VAV1: variants seen among roughly 807,000 people sequenced by gnomAD.
VAV1 encodes vav guanine nucleotide exchange factor 1.
In VAV1, 33 loss-of-function variants were observed where a neutral mutation model predicts 128.1. The ratio of observed to expected loss-of-function variants is 0.26; its 90% CI spans 0.20 to 0.34. VAV1 has a LOEUF of 0.34. VAV1 is among the 10% of genes least tolerant of loss of function. VAV1 has a pLI of 1.00. For missense variants in VAV1, 715 were observed against 1,093.7 expected (o/e 0.65, Z 4.88); for synonymous variants, 394 against 409.8 (o/e 0.96, Z 0.47).
At chr19:6,823,592 C>G (rs1971848383) in intron 6 of VAV1, among the ~76,000 whole-genome samples, 1 of 151,284 alleles carries the variant, frequency 6.6e-6, no homozygotes, top group Non-Finnish European at 1.5e-5. Context: ...AATCCAAGCC[C>G]TTTGTGAGGC....
chr19:6,840,634 T>C (rs1449736469), intron 21 of VAV1, among the ~76,000 whole-genome samples: 1 of 151,416 alleles, frequency 6.6e-6, no homozygotes, highest in Non-Finnish European at 1.5e-5. Flanking sequence ...TGGAGTGTGG[T>C]CCTGTTACCC....
chr19:6,854,105 C>A lies in VAV1; in HGVS notation c.2484+7C>A. On this transcript the variant is annotated splice_region_variant and intron_variant, in intron 26 of 26. Coordinates refer to ENST00000602142, the MANE Select transcript of VAV1 (RefSeq NM_005428.4). Reference sequence around the variant, plus strand: ...AGGGGAGATCTATGGCCGGGTGAGGCAGGCAGGGCTGGGTGACGGGGAGGG... The same window carrying A: ...AGGGGAGATCTATGGCCGGGTGAGGAAGGCAGGGCTGGGTGACGGGGAGGG... The A allele has an allele frequency of 6.2e-7, 1 of 1,612,022 alleles. No individual in the cohort carries two copies. The highest frequency in any genetic ancestry group is 8.5e-7 in the Non-Finnish European group (1 of 1,179,740).
intron 22 of VAV1, among the ~76,000 whole-genome samples, 154 bp from the exon 23 acceptor site, chr19:6,847,844 C>A (rs1030163308): frequency 2.0e-5 from 3 of 152,242 alleles, no homozygotes; most frequent in East Asian, 3.8e-4. Context: ...CCTGCCTCCA[C>A]GGGGCCTACC....
chr19:6,820,339 A>T lies in VAV1; in HGVS notation c.205-363A>T, dbSNP rs1234476210. ...CAGGCTCGAACTCCTGGGCTCAGTG[A>T]TCCACTCATCTCCGCCTCCTGAGTA... On this transcript the variant is annotated intron_variant, in intron 1 of 26. Transcript: ENST00000602142. The surrounding 1 kb of genome is among the most constrained non-coding windows in gnomAD (Gnocchi z 4.4). Among the ~76,000 whole-genome samples the T allele has an allele frequency of 1.3e-5, 2 of 152,100 alleles. No individual in the cohort carries two copies. Among genetic ancestry groups the T allele is most frequent in the African/African-American group, 4.8e-5 (2 of 41,424 alleles).
chr19:6,776,463 C>CCCAT (rs1198640841), intron 1 of VAV1, among the ~76,000 whole-genome samples: 1 of 125,076 alleles, frequency 8.0e-6, no homozygotes, highest in East Asian at 2.9e-4. Context: ...CATCCACCCA[C>CCCAT]CCATCCATCC....
At chr19:6,855,376 T>TCATCCATC (rs1033314305) in intron 26 of VAV1, among the ~76,000 whole-genome samples, 1 of 152,154 alleles carries the variant, frequency 6.6e-6, no homozygotes, top group South Asian at 2.1e-4. Context: ...TGTAAAGGAT[T>TCATCCATC]CATCCATCCA....
In VAV1 at chr19:6,820,601, C is replaced by A; in HGVS notation, c.205-101C>A. 1 of 846,892 alleles carries A rather than the reference C, an allele frequency of 1.2e-6. No individual in the cohort carries two copies. The highest frequency in any genetic ancestry group is 2.0e-6 in the Non-Finnish European group (1 of 504,616). The allele number at this position is 846,892 out of a possible 1,614,324, so 52.5% of individuals were successfully genotyped here. ...TTTCATGGAAGAGGGTCTGTGCTTT[C>A]ATTTCCCCTCCACACCAGTCCCCAA... On this transcript the variant is annotated intron_variant, in intron 1 of 26. Coordinates refer to ENST00000602142, the MANE Select transcript of VAV1 (RefSeq NM_005428.4). The surrounding 1 kb of genome is among the most constrained non-coding windows in gnomAD (Gnocchi z 4.4).
chr19:6,806,507 G>A (rs1971400233), intron 1 of VAV1, among the ~76,000 whole-genome samples: 1 of 152,226 alleles, frequency 6.6e-6, no homozygotes, highest in African/African-American at 2.4e-5. Flanking sequence ...AGGACTGCAT[G>A]TCTCTGTGAT....
intron 20 of VAV1, 66 bp downstream of exon 20, chr19:6,836,634 C>G: frequency 6.3e-7 from 1 of 1,586,512 alleles, no homozygotes; most frequent in Non-Finnish European, 8.6e-7. Flanking sequence ...TTCATGTGGT[C>G]TCAGGGAGTT....
chr19:6,812,853 T>C (rs913495688), intron 1 of VAV1, among the ~76,000 whole-genome samples: 2 of 152,018 alleles, frequency 1.3e-5, no homozygotes, highest in African/African-American at 4.8e-5. Flanking sequence ...ATGATGATGA[T>C]AAGAATGGTG....
intron 1 of VAV1, among the ~76,000 whole-genome samples, chr19:6,812,554 A>G (rs1702378): frequency 0.31 from 47,326 of 151,938 alleles, 12,186 homozygotes; most frequent in African/African-American, 0.71. Context: ...CAGCTGTTCG[A>G]GAGGCTGAGG....
At chr19:6,791,765 A>G (rs1269801387) in intron 1 of VAV1, among the ~76,000 whole-genome samples, 2 of 152,118 alleles carry the variant, frequency 1.3e-5, no homozygotes, top group East Asian at 3.9e-4. Flanking sequence ...GATCAAGGGG[A>G]AGAAGAAGAG....
chr19:6,856,582 G>A (rs536574761), intron 26 of VAV1, among the ~76,000 whole-genome samples: 2 of 151,664 alleles, frequency 1.3e-5, no homozygotes, highest in African/African-American at 4.8e-5. Context: ...AAATTAGCCG[G>A]GTGTGGTGGC....
At chr19:6,827,355 C>T (rs576573246) in intron 9 of VAV1, among the ~76,000 whole-genome samples, 2 of 152,176 alleles carry the variant, frequency 1.3e-5, no homozygotes, top group Admixed American at 1.3e-4. Flanking sequence ...ACAGCCTCGA[C>T]CTCCTGGACT....
At chr19:6,823,160 T>C (rs1486561571) in intron 6 of VAV1, among the ~76,000 whole-genome samples, 3 of 149,292 alleles carry the variant, frequency 2.0e-5, no homozygotes, top group African/African-American at 7.3e-5. Context: ...GGTTTCTCTC[T>C]CATTGCCCAG....
intron 19 of VAV1, 139 bp from the exon 20 acceptor site, chr19:6,836,293 T>C: frequency 8.8e-7 from 1 of 1,133,392 alleles, no homozygotes; most frequent in Non-Finnish European, 1.2e-6. Flanking sequence ...TGAGTGAAAA[T>C]TCCAGTTTCT....
At chr19:6,841,901 T>A (rs1972386739) in intron 21 of VAV1, among the ~76,000 whole-genome samples, 1 of 152,172 alleles carries the variant, frequency 6.6e-6, no homozygotes, top group Non-Finnish European at 1.5e-5. Context: ...TGCCTTATAG[T>A]AGCTGTCCTA....
At position 6,826,733 on chromosome 19, in the gene VAV1, G is replaced by A. The variant is rs749211248; in HGVS notation, c.927+22G>A. 8 of 1,531,098 alleles carry A rather than the reference G, an allele frequency of 5.2e-6. No homozygotes were observed. The highest frequency in any genetic ancestry group is 2.4e-5 in the East Asian group (1 of 40,960). The allele number at this position is 1,531,098 out of a possible 1,614,324, so 94.8% of individuals were successfully genotyped here. A position where few individuals can be genotyped will look rare whatever the true frequency, so the allele number is the denominator to read the frequency against. On this transcript the variant is annotated intron_variant, in intron 9 of 26. Coordinates refer to ENST00000602142, the MANE Select transcript of VAV1 (RefSeq NM_005428.4). This position sits in a 1 kb window ranked among gnomAD's most constrained non-coding sequence, Gnocchi z 4.1. ...GGAGGTGGGCGCCGGGCCACTTCTCGGGGGCCTCTCCCGCTCCTCCCCAGG... is the reference window on the plus strand; with the variant it reads ...GGAGGTGGGCGCCGGGCCACTTCTCAGGGGCCTCTCCCGCTCCTCCCCAGG...
At chr19:6,778,997 C>T (rs1302559571) in intron 1 of VAV1, among the ~76,000 whole-genome samples, 1 of 148,354 alleles carries the variant, frequency 6.7e-6, no homozygotes, top group Non-Finnish European at 1.5e-5. Context: ...CTGCCTCAGC[C>T]TCCCGAGTAG....
Sources: allele counts gnomAD v4.1 joint callset (sites outside exome capture counted in the v4.1 genomes callset), GRCh38; gene constraint gnomAD v4.1.1; non-coding constraint Gnocchi (gnomAD v3.1); transcripts MANE v1.5; gene names NCBI Gene and HGNC (gene_info 2026-07-23, HGNC 2026-07-21).